CNNM2: variants seen among roughly 807,000 people sequenced by gnomAD.
CNNM2 encodes the protein cyclin and CBS domain divalent metal cation transport mediator 2, also known as metal transporter CNNM2.
CNNM2 carries 12 observed loss-of-function variants against 66.9 expected under a neutral mutation model. That is an observed-to-expected ratio of 0.18 (90% CI 0.11 to 0.29). The LOEUF is 0.29. CNNM2 is among the 10% of genes least tolerant of loss of function. The pLI is 1.00. For missense variants in CNNM2, 705 were observed against 1,167.7 expected (o/e 0.60, Z 5.77); for synonymous variants, 557 against 501.8 (o/e 1.11, Z -1.47).
At chr10:102,928,103 T>C (rs961447680) in intron 1 of CNNM2, among the ~76,000 whole-genome samples, 1 of 152,252 alleles carries the variant, frequency 6.6e-6, no homozygotes, top group Non-Finnish European at 1.5e-5. Flanking sequence ...AAAATGGGGA[T>C]ATTTTCTAAC....
chr10:102,918,691 G>A lies in CNNM2; in HGVS notation c.211G>A (p.Glu71Lys). ...GGCAAVGENE[E>K]TVIIGLRLED... The stretch of plus-strand genomic sequence containing the variant: ...CTGCGCAGCGGTGGGCGAGAATGAG[G>A]AGACGGTGATCATCGGGCTGCGACT... The change falls in exon 1 of 8, where the codon GAG becomes AAG. Residue 71 changes from glutamate (E) to lysine (K), a missense_variant. Physicochemically the swap from Glu to Lys is moderately conservative, Grantham distance 56. This residue lies in a region of CNNM2 where 37 missense variants were observed against 58.5 expected (regional missense o/e 0.63). Transcript: ENST00000369878. The surrounding 1 kb of genome is among the most constrained non-coding windows in gnomAD (Gnocchi z 4.1). 6.4e-7 allele frequency: 1 copy of A among 1,557,702 alleles called. No individual in the cohort carries two copies. Among genetic ancestry groups the A allele is most frequent in the Non-Finnish European group, 8.7e-7 (1 of 1,151,314 alleles).
intron 1 of CNNM2, among the ~76,000 whole-genome samples, chr10:102,956,202 GGCGTGAACCCAGGAGGCGGAGCCT>G (rs1357330321): frequency 6.6e-6 from 1 of 151,692 alleles, no homozygotes; most frequent in Non-Finnish European, 1.5e-5. Context: ...GCAGGAGAAT[GGCGTGAACCCAGGAGGCGGAGCCT>G]GCAGTGAGCT....
chr10:102,972,121 G>T (rs184426547), intron 1 of CNNM2, among the ~76,000 whole-genome samples: 1 of 152,140 alleles, frequency 6.6e-6, no homozygotes, highest in African/African-American at 2.4e-5. Context: ...AACATTTATA[G>T]CTCTTGGATT....
At chr10:102,965,300 ATTC>A (rs1004882523) in intron 1 of CNNM2, among the ~76,000 whole-genome samples, 2 of 152,168 alleles carry the variant, frequency 1.3e-5, no homozygotes, top group African/African-American at 4.8e-5. Context: ...TGATCTCAGT[ATTC>A]TTTCTTTTTC....
intron 4 of CNNM2, among the ~76,000 whole-genome samples, chr10:103,060,500 G>T (rs1366904546): frequency 6.6e-6 from 1 of 152,144 alleles, no homozygotes; most frequent in African/African-American, 2.4e-5. Context: ...AGCCGAGATC[G>T]TGCCACTGCA....
chr10:103,025,745 CA>C (rs1337272431), intron 1 of CNNM2, among the ~76,000 whole-genome samples: 3 of 152,222 alleles, frequency 2.0e-5, no homozygotes, highest in Non-Finnish European at 4.4e-5. Context: ...ATTTTCAAAG[CA>C]ATACAAGTGC....
At chr10:102,995,778 G>C (rs959129973) in intron 1 of CNNM2, among the ~76,000 whole-genome samples, 6 of 152,024 alleles carry the variant, frequency 3.9e-5, no homozygotes, top group Admixed American at 1.3e-4. Context: ...CCAGGCTGGA[G>C]TGCAGTGGCG....
intron 1 of CNNM2, among the ~76,000 whole-genome samples, chr10:102,953,837 A>G (rs1226813452): frequency 6.6e-6 from 1 of 152,200 alleles, no homozygotes; most frequent in African/African-American, 2.4e-5. Context: ...CTGGGATTAC[A>G]GGCATGAGCC....
chr10:102,951,707 T>C (rs1846841173), intron 1 of CNNM2, among the ~76,000 whole-genome samples: 1 of 150,614 alleles, frequency 6.6e-6, no homozygotes, highest in African/African-American at 2.4e-5. Context: ...GGTCTGATCC[T>C]AGCTCACCGC....
At chr10:103,042,762 T>C (rs1160089540) in intron 1 of CNNM2, among the ~76,000 whole-genome samples, 1 of 152,218 alleles carries the variant, frequency 6.6e-6, no homozygotes, top group Admixed American at 6.5e-5. Context: ...CAATTGTAAT[T>C]ATATTTAAAG....
chr10:103,064,296 T>G (rs116194849), intron 4 of CNNM2, among the ~76,000 whole-genome samples: 1 of 152,354 alleles, frequency 6.6e-6, no homozygotes, highest in African/African-American at 2.4e-5. Flanking sequence ...TGTATTCAGT[T>G]TGAAGACCTA....
chr10:102,932,147 G>T (rs770065345), intron 1 of CNNM2, among the ~76,000 whole-genome samples: 41 of 151,386 alleles, frequency 2.7e-4, no homozygotes, highest in South Asian at 1.3e-3. Flanking sequence ...TACTTTCTTG[G>T]TAGTGACCTT....
chr10:102,988,150 AACTT>A (rs2063830839), intron 1 of CNNM2, among the ~76,000 whole-genome samples: 1 of 151,586 alleles, frequency 6.6e-6, no homozygotes, highest in Non-Finnish European at 1.5e-5. Flanking sequence ...AATACAAAAA[AACTT>A]AGCCGGGAGT....
chr10:103,059,259 C>A (rs923857329), intron 4 of CNNM2, among the ~76,000 whole-genome samples: 1 of 152,184 alleles, frequency 6.6e-6, no homozygotes, highest in African/African-American at 2.4e-5. Flanking sequence ...CAAGCATGAG[C>A]CACCGCGTCT....
intron 1 of CNNM2, among the ~76,000 whole-genome samples, chr10:102,967,737 G>A (rs186232325): frequency 3.5e-4 from 53 of 152,210 alleles, no homozygotes; most frequent in Non-Finnish European, 6.5e-4. Flanking sequence ...GGCTGGGCGC[G>A]GGAGCTCATG....
chr10:103,009,672 T>TC (rs1333703113), intron 1 of CNNM2, among the ~76,000 whole-genome samples: 11 of 68,048 alleles, frequency 1.6e-4, no homozygotes, highest in Non-Finnish European at 2.6e-4. Context: ...AGCCTGAGTC[T>TC]CCAAAAAAAA....
chr10:102,918,294 C>CCCTCCCTCTTTCCCT lies in CNNM2; in HGVS notation c.-184_-170dup, dbSNP rs1319102979. 15 of 1,039,114 alleles carry CCCTCCCTCTTTCCCT rather than the reference C, an allele frequency of 1.4e-5. No homozygotes were observed. The highest frequency in any genetic ancestry group is 1.6e-5 in the Non-Finnish European group (12 of 756,350). 64.4% of individuals were successfully genotyped at this position (1,039,114 alleles called of 1,614,324 possible). ...TCGCGGGAGCAGCCGGCGCTCCTCT[C>CCCTCCCTCTTTCCCT]CCTCCCTCTTTCCCTCCCGCGAGCC... On this transcript the variant is annotated 5_prime_UTR_variant, in exon 1 of 8. Transcript: ENST00000369878. This position sits in a 1 kb window ranked among gnomAD's most constrained non-coding sequence, Gnocchi z 4.1.
chr10:102,980,489 C>T (rs558277279), intron 1 of CNNM2, among the ~76,000 whole-genome samples: 1 of 151,576 alleles, frequency 6.6e-6, no homozygotes, highest in East Asian at 2.0e-4. Context: ...AAGCTGGTCT[C>T]GAACTCCTGG....
At chr10:103,027,312 C>T (rs1446183291) in intron 1 of CNNM2, 1 of 152,192 alleles carries the variant, frequency 6.6e-6, no homozygotes, top group Non-Finnish European at 1.5e-5. Flanking sequence ...CCTTAGTTCT[C>T]TATTCTAGAG....
Sources: gnomAD v4.1 joint callset for allele counts (sites outside exome capture counted in the v4.1 genomes callset) on GRCh38, gnomAD v4.1.1 for gene constraint, gnomAD v4.1.1 regional missense constraint, Gnocchi (gnomAD v3.1) non-coding constraint, MANE v1.5 for transcripts, NCBI Gene and HGNC (gene_info 2026-07-23, HGNC 2026-07-21) for gene names.